Variants in FHIT observed in about 807,000 individuals in gnomAD.
FHIT encodes the protein fragile histidine triad diadenosine triphosphatase.
Under a neutral mutation model 17.9 loss-of-function variants are expected in FHIT, and 19 were observed. The observed-to-expected ratio is 1.06, with a 90% CI of 0.74 to 1.56. The LOEUF is 1.56. FHIT is among the 40% of genes most tolerant of loss of function. The pLI is 0.00. For missense variants in FHIT, 248 were observed against 189.2 expected (o/e 1.31, Z -1.82); for synonymous variants, 81 against 69.7 (o/e 1.16, Z -0.81).
chr3:60,841,816 A>G (rs73111756), intron 3 of FHIT, among the ~76,000 whole-genome samples: 12,005 of 152,204 alleles, frequency 0.079, 599 homozygotes, highest in African/African-American at 0.13. Context: ...AAAAAAATAT[A>G]TACAAATGGA....
At chr3:60,723,575 T>G (rs540226032) in intron 4 of FHIT, among the ~76,000 whole-genome samples, 1 of 152,326 alleles carries the variant, frequency 6.6e-6, no homozygotes, top group Admixed American at 6.5e-5. Context: ...TGTCGCAGCT[T>G]GTTGCTTAAG....
At chr3:60,129,746 T>A (rs1699453534) in intron 5 of FHIT, among the ~76,000 whole-genome samples, 1 of 152,216 alleles carries the variant, frequency 6.6e-6, no homozygotes, top group African/African-American at 2.4e-5. Flanking sequence ...TAAGGAGATA[T>A]AAAACCCTCT....
intron 5 of FHIT, among the ~76,000 whole-genome samples, chr3:60,014,384 G>C (rs984511748): frequency 3.9e-5 from 6 of 152,200 alleles, no homozygotes; most frequent in African/African-American, 1.4e-4. Flanking sequence ...AGAATTTCTT[G>C]CAAAAGAAAG....
At chr3:60,372,309 C>A (rs1421739012) in intron 5 of FHIT, among the ~76,000 whole-genome samples, 1 of 152,182 alleles carries the variant, frequency 6.6e-6, no homozygotes, top group South Asian at 2.1e-4. Flanking sequence ...ACCACCCCTT[C>A]ACCACCACCC....
chr3:59,946,415 T>C (rs1706806180), intron 7 of FHIT, among the ~76,000 whole-genome samples: 1 of 152,232 alleles, frequency 6.6e-6, no homozygotes. Flanking sequence ...ATTAAAGAGC[T>C]TTTGGACAGA....
chr3:60,251,170 G>C (rs568869547), intron 5 of FHIT, among the ~76,000 whole-genome samples: 1 of 152,050 alleles, frequency 6.6e-6, no homozygotes, highest in Non-Finnish European at 1.5e-5. Flanking sequence ...ATTTACCTTG[G>C]GCAACAAAGT....
intron 4 of FHIT, among the ~76,000 whole-genome samples, chr3:60,647,678 G>A (rs1553687116): frequency 6.6e-6 from 1 of 152,208 alleles, no homozygotes; most frequent in Admixed American, 6.5e-5. Context: ...TCTGATTGCT[G>A]GATAACTCTT....
At chr3:60,675,806 A>G (rs1227785415) in intron 4 of FHIT, among the ~76,000 whole-genome samples, 1 of 152,248 alleles carries the variant, frequency 6.6e-6, no homozygotes, top group Non-Finnish European at 1.5e-5. Context: ...ATAAAGGTGC[A>G]ATCACAGCAA....
At chr3:60,110,100 G>C (rs1415018596) in intron 5 of FHIT, among the ~76,000 whole-genome samples, 2 of 152,256 alleles carry the variant, frequency 1.3e-5, no homozygotes, top group East Asian at 3.9e-4. Context: ...CTGTGTTCCA[G>C]GGACAATCTT....
chr3:61,139,446 C>A (rs2037011034), intron 2 of FHIT, among the ~76,000 whole-genome samples: 1 of 151,922 alleles, frequency 6.6e-6, no homozygotes, highest in African/African-American at 2.4e-5. Context: ...GAAGTGGGAC[C>A]TTGTTTTTAG....
At chr3:60,537,094 A>G (rs2036011888) in intron 4 of FHIT, 115 bp from the exon 5 acceptor site, 1 of 823,258 alleles carries the variant, frequency 1.2e-6, no homozygotes, top group Non-Finnish European at 1.7e-6. Flanking sequence ...AGAGGATGCC[A>G]TTGAAATTGT....
At chr3:59,852,135 C>T (rs1053412569) in intron 8 of FHIT, among the ~76,000 whole-genome samples, 1 of 152,294 alleles carries the variant, frequency 6.6e-6, no homozygotes, top group African/African-American at 2.4e-5. Context: ...TGGCTCTCCA[C>T]CCAGCCACAT....
At chr3:59,938,668 G>A (rs999760341) in intron 7 of FHIT, among the ~76,000 whole-genome samples, 2 of 152,132 alleles carry the variant, frequency 1.3e-5, no homozygotes, top group African/African-American at 4.8e-5. Flanking sequence ...TTAACACCAT[G>A]TTGTATACCT....
chr3:60,702,672 T>C (rs1294477722), intron 4 of FHIT, among the ~76,000 whole-genome samples: 2 of 152,158 alleles, frequency 1.3e-5, no homozygotes, highest in African/African-American at 2.4e-5. Context: ...TCATATCACA[T>C]GACAGTGAAG....
intron 4 of FHIT, among the ~76,000 whole-genome samples, chr3:60,810,582 A>G (rs74735309): frequency 1.3e-4 from 20 of 152,334 alleles, no homozygotes; most frequent in Non-Finnish European, 2.8e-4. Context: ...CTTTTCATTA[A>G]ATAAGCTTTA....
chr3:60,910,657 C>T (rs754143190), intron 3 of FHIT, among the ~76,000 whole-genome samples: 7 of 152,158 alleles, frequency 4.6e-5, no homozygotes, highest in South Asian at 2.1e-4. Context: ...CATGATCCGC[C>T]GGCCTTGGCC....
In FHIT at chr3:60,395,143, G is replaced by A. The variant is rs568596071; in HGVS notation, c.103+141717C>T. 9.2e-5 allele frequency among the ~76,000 whole-genome samples: 14 copies of A among 152,306 alleles called. No individual in the cohort carries two copies. The South Asian group carries it at 2.1e-3, about 23-fold the overall frequency. Reference sequence around the variant, plus strand: ...GGCAGAAATAGAATTGAGTAGAAAGGTCAGGCTAGATGCAGATTTGACAGC... The same window carrying A: ...GGCAGAAATAGAATTGAGTAGAAAGATCAGGCTAGATGCAGATTTGACAGC... On this transcript the variant is annotated intron_variant, in intron 5 of 9. Coordinates refer to ENST00000492590, the MANE Select transcript of FHIT (RefSeq NM_002012.4).
In FHIT at chr3:60,368,194, TTAAAAAA is replaced by T. The variant is rs1165601125; in HGVS notation, c.103+168659_103+168665del. Reference sequence around the variant, plus strand: ...CTGTAAAATCATAAAACATATCTTTTTAAAAAAAAAAAAAAAAAGAAACTGAGGAACT... The same window carrying T: ...CTGTAAAATCATAAAACATATCTTTTAAAAAAAAAAAGAAACTGAGGAACT... On this transcript the variant is annotated intron_variant, in intron 5 of 9. Coordinates refer to ENST00000492590, the MANE Select transcript of FHIT (RefSeq NM_002012.4). Among the ~76,000 whole-genome samples, 50 of 122,394 alleles carry T rather than the reference TTAAAAAA, an allele frequency of 4.1e-4. 3 individuals carry two copies. In the East Asian group the frequency reaches 0.012, roughly 29 times the overall value. The allele number at this position is 122,394 out of a possible 152,430, so 80.3% of individuals were successfully genotyped here.
chr3:60,267,199 A>G (rs1228464118), intron 5 of FHIT, among the ~76,000 whole-genome samples: 1 of 152,078 alleles, frequency 6.6e-6, no homozygotes, highest in African/African-American at 2.4e-5. Context: ...TTAGAGATAC[A>G]GAGATAAATA....
Sources: allele counts gnomAD v4.1 joint callset (sites outside exome capture counted in the v4.1 genomes callset), GRCh38; gene constraint gnomAD v4.1.1; transcripts MANE v1.5; gene names NCBI Gene and HGNC (gene_info 2026-07-23, HGNC 2026-07-21).